Variants in TRHDE observed in about 807,000 individuals in gnomAD.
The protein encoded by TRHDE is thyrotropin-releasing hormone-degrading ectoenzyme.
In TRHDE, 72 loss-of-function variants were observed where a neutral mutation model predicts 125.7. The ratio of observed to expected loss-of-function variants is 0.57; its 90% CI spans 0.47 to 0.70. The LOEUF (loss-of-function observed/expected upper bound fraction) is 0.70. Ranked by LOEUF, TRHDE falls within the 30% of genes least tolerant of loss-of-function variation. The probability of loss-of-function intolerance (pLI) is 0.00; values close to 1 mark genes in which losing one functional copy is unlikely to be tolerated. For synonymous variants in TRHDE, 509 were observed against 509.1 expected (o/e 1.00, Z 0.00); for missense variants, 1,110 against 1,327.1 (o/e 0.84, Z 2.54).
chr12:72,349,722 A>G (rs1388969021), intron 2 of TRHDE, among the ~76,000 whole-genome samples: 2 of 152,008 alleles, frequency 1.3e-5, no homozygotes, highest in African/African-American at 4.8e-5. Context: ...AGACCAAGAC[A>G]TGTGGCCTTG....
chr12:72,386,399 C>T (rs563718676), intron 3 of TRHDE, among the ~76,000 whole-genome samples: 2 of 152,186 alleles, frequency 1.3e-5, no homozygotes, highest in African/African-American at 4.8e-5. Context: ...GGTCAACTGG[C>T]ATTGCTCTAG....
At chr12:72,331,696 G>A (rs546599348) in intron 2 of TRHDE, among the ~76,000 whole-genome samples, 1 of 152,292 alleles carries the variant, frequency 6.6e-6, no homozygotes, top group South Asian at 2.1e-4. Flanking sequence ...TCTACGAGAT[G>A]TGTGTGCCTT....
At chr12:72,105,796 GT>G (rs1875173763) in intron 2 of TRHDE, 1 of 152,094 alleles carries the variant, frequency 6.6e-6, no homozygotes, top group South Asian at 2.1e-4. Context: ...TGTGTATAAT[GT>G]TTTACACACA....
At chr12:72,510,211 T>G (rs967996165) in intron 6 of TRHDE, among the ~76,000 whole-genome samples, 1 of 152,178 alleles carries the variant, frequency 6.6e-6, no homozygotes, top group Non-Finnish European at 1.5e-5. Flanking sequence ...CTTTCCCTAC[T>G]CACAGCGAAT....
chr12:72,228,284 G>T (rs1878176881), intron 2 of TRHDE, among the ~76,000 whole-genome samples: 1 of 152,188 alleles, frequency 6.6e-6, no homozygotes, highest in Admixed American at 6.5e-5. Context: ...CCAAACCTCG[G>T]TTCTTTACTT....
intron 12 of TRHDE, among the ~76,000 whole-genome samples, chr12:72,604,821 C>A (rs975712300): frequency 9.9e-5 from 15 of 152,030 alleles, no homozygotes; most frequent in Non-Finnish European, 1.9e-4. Flanking sequence ...ATGAACTTAA[C>A]TATGAGACTG....
At chr12:72,099,650 A>G (rs1875021865) in intron 1 of TRHDE, among the ~76,000 whole-genome samples, 1 of 152,224 alleles carries the variant, frequency 6.6e-6, no homozygotes, top group Admixed American at 6.5e-5. Context: ...AAGAAATATA[A>G]TGGTTTCATG....
intron 12 of TRHDE, among the ~76,000 whole-genome samples, chr12:72,587,215 A>T (rs550463834): frequency 6.6e-6 from 1 of 152,296 alleles, no homozygotes; most frequent in East Asian, 1.9e-4. Flanking sequence ...TGTAGTTTTT[A>T]AATTTTCATC....
Position 72,097,440 on chromosome 12 carries a change from ATTTTTTTTTTTTT to A in TRHDE, n.175-8193_175-8181del, listed in dbSNP as rs869290442. Among the ~76,000 whole-genome samples the A allele has an allele frequency of 1.7e-3, 37 of 21,654 alleles. 2 individuals carry two copies. In the Admixed American group the frequency reaches 0.021, roughly 12 times the overall value. 14.2% of individuals were successfully genotyped at this position (21,654 alleles called of 152,430 possible). On this transcript the variant is annotated intron_variant and non_coding_transcript_variant, in intron 1 of 4. Transcript: ENST00000548156. ...CCTTGCAGTAGCATTTTCTCACTGA[ATTTTTTTTTTTTT>A]TTTTTTTTTTTTTTAGACAGAGTTT...
chr12:72,109,540 G>A (rs972481012), intron 2 of TRHDE, among the ~76,000 whole-genome samples: 2 of 152,024 alleles, frequency 1.3e-5, no homozygotes, highest in Non-Finnish European at 1.5e-5. Context: ...TACTGTTTCC[G>A]ACTGCTATTT....
intron 2 of TRHDE, among the ~76,000 whole-genome samples, chr12:72,236,196 A>T (rs916620969): frequency 3.3e-5 from 5 of 152,190 alleles, no homozygotes; most frequent in Admixed American, 3.3e-4. Context: ...AAACAGATGG[A>T]AGATGAAAGA....
chr12:72,582,293 T>C, intron 12 of TRHDE: 3 of 984,528 alleles, frequency 3.0e-6, no homozygotes, highest in Non-Finnish European at 3.6e-6. Context: ...ATATAATGGC[T>C]AAAGAAGAAG....
chr12:72,305,088 C>G (rs924944265), intron 2 of TRHDE, among the ~76,000 whole-genome samples: 2 of 152,050 alleles, frequency 1.3e-5, no homozygotes, highest in Non-Finnish European at 2.9e-5. Context: ...AAAAAAGACA[C>G]AGAAAAATTT....
chr12:72,556,466 A>G (rs1315689924), intron 7 of TRHDE, among the ~76,000 whole-genome samples: 1 of 152,228 alleles, frequency 6.6e-6, no homozygotes, highest in African/African-American at 2.4e-5. Context: ...AGCTGTTCCC[A>G]TTAGAGTGGC....
chr12:72,288,638 C>A (rs1879979216), intron 2 of TRHDE, among the ~76,000 whole-genome samples: 1 of 152,118 alleles, frequency 6.6e-6, no homozygotes, highest in Admixed American at 6.5e-5. Flanking sequence ...TGCTGTGGGT[C>A]AGCTAGCATA....
intron 3 of TRHDE, among the ~76,000 whole-genome samples, chr12:72,422,084 T>C (rs1475259688): frequency 6.6e-6 from 1 of 152,156 alleles, no homozygotes; most frequent in African/African-American, 2.4e-5. Context: ...AAACAATGGT[T>C]TAAAATGTTC....
intron 2 of TRHDE, among the ~76,000 whole-genome samples, chr12:72,242,486 G>A (rs1878501698): frequency 6.6e-6 from 1 of 152,162 alleles, no homozygotes; most frequent in South Asian, 2.1e-4. Context: ...TTAAGGTACA[G>A]TATTCTTTTT....
chr12:72,166,912 G>A (rs951835993), intron 2 of TRHDE, among the ~76,000 whole-genome samples: 3 of 70,210 alleles, frequency 4.3e-5, no homozygotes, highest in Non-Finnish European at 1.3e-4. Context: ...ATGAACGTGT[G>A]TGTGTGTGTG....
At chr12:72,325,363 A>C (rs1173733514) in intron 2 of TRHDE, among the ~76,000 whole-genome samples, 1 of 152,130 alleles carries the variant, frequency 6.6e-6, no homozygotes, top group Admixed American at 6.6e-5. Context: ...GTATTTTCAC[A>C]TGTATCCCAG....
Sources: allele counts gnomAD v4.1 joint callset (sites outside exome capture counted in the v4.1 genomes callset), GRCh38; gene constraint gnomAD v4.1.1; transcripts MANE v1.5; gene names NCBI Gene and HGNC (gene_info 2026-07-23, HGNC 2026-07-21).